TMC1: variants seen among roughly 807,000 people sequenced by gnomAD.
The protein encoded by TMC1 is transmembrane channel like 1.
In TMC1, 84 loss-of-function variants were observed where a neutral mutation model predicts 105.8. The ratio of observed to expected loss-of-function variants is 0.79; its 90% CI spans 0.67 to 0.95. TMC1 has a LOEUF of 0.95. Among genes scored for constraint, TMC1 ranks in the 40% least tolerant of loss-of-function variants. The probability of loss-of-function intolerance (pLI) is 0.00; values close to 1 mark genes in which losing one functional copy is unlikely to be tolerated. For synonymous variants in TMC1, 315 were observed against 311.5 expected (o/e 1.01, Z -0.12); for missense variants, 817 against 914.1 (o/e 0.89, Z 1.37).
chr9:72,657,655 G>A (rs1825905056), intron 5 of TMC1, among the ~76,000 whole-genome samples: 1 of 152,112 alleles, frequency 6.6e-6, no homozygotes, highest in Non-Finnish European at 1.5e-5. Context: ...AATCTTGGGT[G>A]TATCCATATG....
At position 72,836,894 on chromosome 9, in the gene TMC1, G is replaced by T. The variant is rs1356913474; in HGVS notation, c.*921G>T. 2.0e-5 allele frequency: 3 copies of T among 152,140 alleles called. No homozygotes were observed. The highest frequency in any genetic ancestry group is 4.4e-5 in the Non-Finnish European group (3 of 68,034). The allele number at this position is 152,140 out of a possible 1,614,324, so 9.4% of individuals were successfully genotyped here. ...ATGGCAGAGGGAGAGAATGAGGCAA[G>T]TTTTAGAGCAGGAGTGTAGGTTTAT... On this transcript the variant is annotated 3_prime_UTR_variant, in exon 24 of 24. Transcript: ENST00000297784.
chr9:72,602,399 G>C (rs1444589573), intron 2 of TMC1, among the ~76,000 whole-genome samples: 1 of 137,810 alleles, frequency 7.3e-6, no homozygotes, highest in South Asian at 2.3e-4. Context: ...TTTTGAGACA[G>C]GGTCTTGCTC....
chr9:72,772,871 G>A (rs1827952638), intron 13 of TMC1, among the ~76,000 whole-genome samples: 1 of 152,118 alleles, frequency 6.6e-6, no homozygotes, highest in Non-Finnish European at 1.5e-5. Flanking sequence ...CAGCAAGACA[G>A]GAAAACAGCT....
intron 12 of TMC1, among the ~76,000 whole-genome samples, chr9:72,770,643 T>C (rs1385027659): frequency 1.3e-5 from 2 of 151,952 alleles, no homozygotes; most frequent in Non-Finnish European, 2.9e-5. Flanking sequence ...TAAAAGGAGA[T>C]TCATTTTGAG....
chr9:72,729,677 G>C (rs1156713983), intron 8 of TMC1, among the ~76,000 whole-genome samples: 2 of 152,144 alleles, frequency 1.3e-5, no homozygotes, highest in Admixed American at 1.3e-4. Flanking sequence ...AATAAAATTT[G>C]TTTAGTTCTG....
intron 5 of TMC1, among the ~76,000 whole-genome samples, chr9:72,674,584 A>T (rs573793524): frequency 6.6e-6 from 1 of 152,200 alleles, no homozygotes; most frequent in Non-Finnish European, 1.5e-5. Flanking sequence ...AGCTTTTTAG[A>T]AAAGCTAATT....
chr9:72,797,838 C>T (rs893029775), intron 17 of TMC1, among the ~76,000 whole-genome samples: 4 of 152,098 alleles, frequency 2.6e-5, no homozygotes, highest in African/African-American at 7.2e-5. Context: ...ATGCCAGAAG[C>T]GATTGCAGTG....
At chr9:72,655,077 C>T (rs1219174630) in intron 5 of TMC1, among the ~76,000 whole-genome samples, 1 of 152,136 alleles carries the variant, frequency 6.6e-6, no homozygotes. Flanking sequence ...TCATGAGGGC[C>T]GTTCGCCCCA....
chr9:72,730,264 T>C (rs1333405769), intron 8 of TMC1, among the ~76,000 whole-genome samples: 3 of 152,220 alleles, frequency 2.0e-5, no homozygotes, highest in Non-Finnish European at 4.4e-5. Context: ...TTTTAGTTTC[T>C]ACGGCCTGCC....
chr9:72,594,280 AG>A (rs750567644), intron 2 of TMC1, among the ~76,000 whole-genome samples: 1 of 152,188 alleles, frequency 6.6e-6, no homozygotes, highest in Non-Finnish European at 1.5e-5. Context: ...GACAAGACAA[AG>A]GGGTTTGGGC....
At chr9:72,647,338 G>T (rs78941359) in intron 4 of TMC1, among the ~76,000 whole-genome samples, 326 of 151,834 alleles carry the variant, frequency 2.1e-3, no homozygotes, top group African/African-American at 7.6e-3. Flanking sequence ...TTCTGGATAT[G>T]AGTCTTGCAA....
At chr9:72,661,506 C>A (rs2132161139) in intron 5 of TMC1, among the ~76,000 whole-genome samples, 1 of 152,322 alleles carries the variant, frequency 6.6e-6, no homozygotes, top group South Asian at 2.1e-4. Flanking sequence ...ATTCTTCAAG[C>A]CTCACTTGAT....
At chr9:72,543,102 T>G (rs997981049) in intron 1 of TMC1, among the ~76,000 whole-genome samples, 5 of 152,224 alleles carry the variant, frequency 3.3e-5, no homozygotes. Flanking sequence ...ATGTTTACAT[T>G]TCATCTTGTA....
At chr9:72,756,494 C>T (rs1218488620) in intron 12 of TMC1, among the ~76,000 whole-genome samples, 1 of 152,070 alleles carries the variant, frequency 6.6e-6, no homozygotes, top group Non-Finnish European at 1.5e-5. Flanking sequence ...ACCTCTTCCT[C>T]CTCCCCTCCC....
At chr9:72,739,865 A>G (rs1225523944) in intron 8 of TMC1, among the ~76,000 whole-genome samples, 2 of 152,230 alleles carry the variant, frequency 1.3e-5, no homozygotes, top group East Asian at 3.8e-4. Flanking sequence ...TTTGACATTT[A>G]GCATCAATTC....
intron 8 of TMC1, among the ~76,000 whole-genome samples, chr9:72,731,682 C>T (rs72733049): frequency 0.11 from 16,563 of 152,194 alleles, 972 homozygotes; most frequent in Non-Finnish European, 0.14. Flanking sequence ...GCACTGCAGA[C>T]GTGACATTAG....
At chr9:72,716,263 G>A (rs191957997) in intron 8 of TMC1, among the ~76,000 whole-genome samples, 12 of 152,346 alleles carry the variant, frequency 7.9e-5, no homozygotes, top group Admixed American at 6.5e-5. Flanking sequence ...AGGAGTCACT[G>A]TGTCCCTTAT....
At chr9:72,749,647 C>A (rs1241181195) in intron 10 of TMC1, among the ~76,000 whole-genome samples, 1 of 152,070 alleles carries the variant, frequency 6.6e-6, no homozygotes, top group Admixed American at 6.6e-5. Context: ...GAACTCTGCA[C>A]CCCTCGGCAA....
At chr9:72,550,854 G>C (rs1285633501) in intron 1 of TMC1, among the ~76,000 whole-genome samples, 1 of 152,030 alleles carries the variant, frequency 6.6e-6, no homozygotes, top group Non-Finnish European at 1.5e-5. Flanking sequence ...TTTCAAGTGT[G>C]ACTAAATTTA....
Sources: allele counts gnomAD v4.1 joint callset (sites outside exome capture counted in the v4.1 genomes callset), GRCh38; gene constraint gnomAD v4.1.1; transcripts MANE v1.5; gene names NCBI Gene and HGNC (gene_info 2026-07-23, HGNC 2026-07-21).